The following PLCXD3 variants were observed in gnomAD, a reference collection of about 807,000 sequenced individuals.
PLCXD3 encodes phosphatidylinositol specific phospholipase C X domain containing 3, also known as PI-PLC X domain-containing protein 3.
A neutral mutation model predicts 25.5 loss-of-function variants in PLCXD3; 19 were observed. That is an observed-to-expected ratio of 0.75 (90% CI 0.52 to 1.09). The LOEUF (loss-of-function observed/expected upper bound fraction) is 1.09. PLCXD3 is among the 50% of genes least tolerant of loss of function. The pLI is 0.00. For missense variants in PLCXD3, 411 were observed against 388.1 expected, an observed-to-expected ratio of 1.06 and a Z score of -0.50; for synonymous variants, 174 against 137.6, an observed-to-expected ratio of 1.26 and a Z score of -1.85.
intron 2 of PLCXD3, among the ~76,000 whole-genome samples, chr5:41,341,663 C>G (rs919774482): frequency 1.8e-4 from 27 of 151,952 alleles, no homozygotes; most frequent in African/African-American, 6.5e-4. Flanking sequence ...ATTCCTCTAC[C>G]TTATAAAAGG....
At chr5:41,451,085 A>G (rs1178095566) in intron 1 of PLCXD3, among the ~76,000 whole-genome samples, 1 of 152,060 alleles carries the variant, frequency 6.6e-6, no homozygotes, top group African/African-American at 2.4e-5. Context: ...AGAGGAAATA[A>G]ATGGATTCTG....
chr5:41,344,046 T>A (rs1374469735), intron 2 of PLCXD3, among the ~76,000 whole-genome samples: 4 of 152,136 alleles, frequency 2.6e-5, no homozygotes, highest in Admixed American at 1.3e-4. Flanking sequence ...TAAAACATTA[T>A]CTTGAACTGA....
chr5:41,380,585 C>T (rs557460546), intron 2 of PLCXD3, among the ~76,000 whole-genome samples: 31 of 152,192 alleles, frequency 2.0e-4, no homozygotes, highest in Non-Finnish European at 4.4e-4. Context: ...TTACACCACT[C>T]CAAGCTTTAT....
chr5:41,362,382 C>T (rs1744810139), intron 2 of PLCXD3, among the ~76,000 whole-genome samples: 1 of 152,098 alleles, frequency 6.6e-6, no homozygotes, highest in African/African-American at 2.4e-5. Flanking sequence ...GCCACAGATG[C>T]TGTGCAAGGC....
intron 2 of PLCXD3, among the ~76,000 whole-genome samples, chr5:41,354,048 T>A (rs755741651): frequency 2.0e-5 from 3 of 152,198 alleles, no homozygotes; most frequent in Non-Finnish European, 4.4e-5. Context: ...TCTTCCAACT[T>A]TTGGTAGCCC....
intron 1 of PLCXD3, among the ~76,000 whole-genome samples, chr5:41,391,070 C>A (rs1311357712): frequency 1.3e-5 from 2 of 152,168 alleles, no homozygotes; most frequent in Non-Finnish European, 2.9e-5. Flanking sequence ...AACTTGACTG[C>A]CTGCAAACCT....
chr5:41,420,814 T>C (rs1746802348), intron 1 of PLCXD3, among the ~76,000 whole-genome samples: 1 of 152,226 alleles, frequency 6.6e-6, no homozygotes, highest in Admixed American at 6.5e-5. Flanking sequence ...CACATCACCT[T>C]TGCATTGTCT....
intron 1 of PLCXD3, among the ~76,000 whole-genome samples, chr5:41,486,455 G>C (rs1748519935): frequency 6.6e-6 from 1 of 151,962 alleles, no homozygotes; most frequent in African/African-American, 2.4e-5. Context: ...TCTATGTCCA[G>C]CTGCATCAGA....
chr5:41,473,636 T>G (rs1423451243), intron 1 of PLCXD3, among the ~76,000 whole-genome samples: 2 of 152,106 alleles, frequency 1.3e-5, no homozygotes, highest in Non-Finnish European at 2.9e-5. Context: ...TTTTGTATTT[T>G]TAATAGATAC....
chr5:41,472,151 C>T (rs1164324616), intron 1 of PLCXD3, among the ~76,000 whole-genome samples: 1 of 151,422 alleles, frequency 6.6e-6, no homozygotes, highest in Non-Finnish European at 1.5e-5. Flanking sequence ...GTAATGAGTT[C>T]ACAATTTAAA....
chr5:41,329,395 C>A (rs868080665), intron 2 of PLCXD3, among the ~76,000 whole-genome samples: 2 of 152,176 alleles, frequency 1.3e-5, no homozygotes, highest in Non-Finnish European at 2.9e-5. Context: ...TAGCACAGTG[C>A]ATGGCACAGG....
chr5:41,320,105 G>T (rs1159517743), intron 2 of PLCXD3, among the ~76,000 whole-genome samples: 1 of 151,970 alleles, frequency 6.6e-6, no homozygotes, highest in Non-Finnish European at 1.5e-5. Flanking sequence ...TGAGATCAAA[G>T]CCATAATAAA....
intron 2 of PLCXD3, among the ~76,000 whole-genome samples, chr5:41,337,641 C>A (rs1242635739): frequency 6.6e-6 from 1 of 152,144 alleles, no homozygotes; most frequent in Non-Finnish European, 1.5e-5. Context: ...GCTAATATGT[C>A]AATGTGTCTT....
At chr5:41,361,003 GGTAGAGAAAGACTACC>G (rs1744755140) in intron 2 of PLCXD3, among the ~76,000 whole-genome samples, 1 of 152,136 alleles carries the variant, frequency 6.6e-6, no homozygotes, top group African/African-American at 2.4e-5. Context: ...TACCAGGGCA[GGTAGAGAAAGACTACC>G]AAGTGGGGGC....
chr5:41,388,656 G>C (rs918019752), intron 1 of PLCXD3, among the ~76,000 whole-genome samples: 6 of 151,932 alleles, frequency 3.9e-5, no homozygotes, highest in Admixed American at 3.9e-4. Flanking sequence ...CCAGACTAAA[G>C]ATAATTCAAT....
intron 1 of PLCXD3, among the ~76,000 whole-genome samples, chr5:41,427,280 C>T (rs1746983367): frequency 6.6e-6 from 1 of 152,022 alleles, no homozygotes; most frequent in Non-Finnish European, 1.5e-5. Flanking sequence ...GTATTCCATC[C>T]CTTTCCCTCA....
rs2150464189 is a variant in PLCXD3, at chr5:41,307,165, A to G, written c.*6452T>C. On this transcript the variant is annotated 3_prime_UTR_variant, in exon 3 of 3. Transcript: ENST00000377801. ...TCTCTCTGGTGAATTTCTGGTGTCT[A>G]ATGAAGGAAATGTCACCAGCTCTGC... 1 of 152,740 alleles carries G rather than the reference A, an allele frequency of 6.5e-6. No homozygotes were observed. The highest frequency in any genetic ancestry group is 2.4e-5 in the African/African-American group (1 of 41,578). 9.5% of individuals were successfully genotyped at this position (152,740 alleles called of 1,614,324 possible). A position where few individuals can be genotyped will look rare whatever the true frequency, so the allele number is the denominator to read the frequency against.
intron 1 of PLCXD3, among the ~76,000 whole-genome samples, chr5:41,509,241 A>G (rs1445787627): frequency 6.6e-6 from 1 of 152,176 alleles, no homozygotes. Context: ...AAGAGGAGGT[A>G]GACCATAACG....
rs377563680 is a variant in PLCXD3, at chr5:41,430,603, A to G, written c.104-48069T>C. Among the ~76,000 whole-genome samples, 7 of 152,250 alleles carry G rather than the reference A, an allele frequency of 4.6e-5. No individual in the cohort carries two copies. The East Asian group carries it at 1.4e-3, about 29-fold the overall frequency. ...CTACTTGGGCCTTCATCTGTCCAGA[A>G]TCAACTTAAAAAACCTGGAAGGGAA... On this transcript the variant is annotated intron_variant, in intron 1 of 2. Coordinates refer to ENST00000377801, the MANE Select transcript of PLCXD3 (RefSeq NM_001005473.3).
Sources: allele counts gnomAD v4.1 joint callset (sites outside exome capture counted in the v4.1 genomes callset), GRCh38; gene constraint gnomAD v4.1.1; transcripts MANE v1.5; gene names NCBI Gene and HGNC (gene_info 2026-07-23, HGNC 2026-07-21).